The following AHCYL2 variants were observed in gnomAD, a reference collection of about 807,000 sequenced individuals.
AHCYL2 encodes the protein S-adenosylhomocysteine hydrolase-like protein 2.
In AHCYL2, 28 loss-of-function variants were observed where a neutral mutation model predicts 81.4. That is an observed-to-expected ratio of 0.34 (90% CI 0.25 to 0.47). AHCYL2 has a LOEUF of 0.47. Ranked by LOEUF, AHCYL2 falls within the 20% of genes least tolerant of loss-of-function variation. The pLI is 1.00. For missense variants in AHCYL2, 551 were observed against 785.1 expected (o/e 0.70, Z 3.56); for synonymous variants, 272 against 290.2 (o/e 0.94, Z 0.64).
chr7:129,310,600 A>G (rs1210713391), intron 1 of AHCYL2, among the ~76,000 whole-genome samples: 2 of 152,244 alleles, frequency 1.3e-5, no homozygotes, highest in African/African-American at 4.8e-5. Context: ...TAAAATCAGT[A>G]TTGAAAATAA....
chr7:129,290,883 T>C lies in AHCYL2; in HGVS notation c.363+65444T>C, dbSNP rs553127095. 4.0e-5 allele frequency among the ~76,000 whole-genome samples: 6 copies of C among 150,680 alleles called. No individual in the cohort carries two copies. In the East Asian group the frequency reaches 1.2e-3, roughly 30 times the overall value. ...AGGTGGAGTGTGCAGTGAGCCGAGA[T>C]CACGCCACTGCACTCTAGCCTGGGC... On this transcript the variant is annotated intron_variant, in intron 1 of 16. Transcript: ENST00000325006.
At chr7:129,379,869 C>G in intron 2 of AHCYL2, 120 bp downstream of exon 2, 1 of 685,986 alleles carries the variant, frequency 1.5e-6, no homozygotes, top group South Asian at 2.7e-5. Context: ...ATAAATACTT[C>G]GAGTCAAAAT....
intron 6 of AHCYL2, among the ~76,000 whole-genome samples, chr7:129,401,139 C>G (rs1188838952): frequency 1.3e-5 from 2 of 152,066 alleles, no homozygotes; most frequent in Non-Finnish European, 1.5e-5. Flanking sequence ...GCCTGGGCAA[C>G]ATAGGCTTTC....
intron 1 of AHCYL2, among the ~76,000 whole-genome samples, chr7:129,370,154 T>C (rs1316083715): frequency 1.3e-5 from 2 of 152,208 alleles, no homozygotes; most frequent in African/African-American, 4.8e-5. Flanking sequence ...ATAATAATTC[T>C]TATTTCTGTC....
chr7:129,271,368 A>G (rs1447418706), intron 1 of AHCYL2, among the ~76,000 whole-genome samples: 3 of 151,798 alleles, frequency 2.0e-5, no homozygotes, highest in Admixed American at 6.6e-5. Flanking sequence ...CCAAAAAAAA[A>G]AAAAAAAAAA....
intron 1 of AHCYL2, among the ~76,000 whole-genome samples, chr7:129,347,677 C>A (rs538688424): frequency 1.3e-5 from 2 of 152,060 alleles, no homozygotes; most frequent in Non-Finnish European, 2.9e-5. Context: ...TGAACAATTA[C>A]AGTCCTTGGA....
rs115009194 is a variant in AHCYL2 at position 129,376,340 on chromosome 7, C to T, written c.364-3298C>T. ...GTCAGAGAAAGATACTCGTTTCTTG[C>T]GGAAAATTGCATAACTTATATTTAA... On this transcript the variant is annotated intron_variant, in intron 1 of 16. Transcript: ENST00000325006. Among the ~76,000 whole-genome samples the T allele has an allele frequency of 8.0e-3, 1,214 of 152,254 alleles. 16 individuals are homozygous for T. The highest frequency in any genetic ancestry group is 0.027 in the African/African-American group (1,134 of 41,540).
intron 1 of AHCYL2, among the ~76,000 whole-genome samples, chr7:129,326,232 AC>A (rs1198971942): frequency 6.6e-6 from 1 of 152,112 alleles, no homozygotes; most frequent in Admixed American, 6.6e-5. Flanking sequence ...CACATAAAAA[AC>A]AAAAAACTCC....
intron 1 of AHCYL2, among the ~76,000 whole-genome samples, chr7:129,234,039 T>C (rs76462804): frequency 3.3e-3 from 502 of 151,720 alleles, no homozygotes; most frequent in African/African-American, 0.012. Flanking sequence ...TTCTCTCTCT[T>C]TCTCTTTGTT....
intron 1 of AHCYL2, among the ~76,000 whole-genome samples, chr7:129,237,158 G>T (rs1237662881): frequency 6.6e-6 from 1 of 151,748 alleles, no homozygotes. Context: ...AACATTTTGT[G>T]TCTTAGAATT....
At chr7:129,351,022 T>G (rs1401987724) in intron 1 of AHCYL2, among the ~76,000 whole-genome samples, 1 of 152,160 alleles carries the variant, frequency 6.6e-6, no homozygotes, top group Non-Finnish European at 1.5e-5. Flanking sequence ...ATTTCTTTTT[T>G]AAAAGCAAAC....
chr7:129,300,563 T>C (rs1289630644), intron 1 of AHCYL2, among the ~76,000 whole-genome samples: 2 of 152,214 alleles, frequency 1.3e-5, no homozygotes, highest in Admixed American at 1.3e-4. Context: ...ACACTTAGGT[T>C]GCTTCCAAAT....
At chr7:129,400,015 C>T (rs562896899) in intron 5 of AHCYL2, among the ~76,000 whole-genome samples, 24 of 152,258 alleles carry the variant, frequency 1.6e-4, no homozygotes, top group South Asian at 1.0e-3. Flanking sequence ...AGTGAGCCAC[C>T]GCACCTGGCC....
chr7:129,286,797 T>C (rs1293351149), intron 1 of AHCYL2, among the ~76,000 whole-genome samples: 1 of 152,132 alleles, frequency 6.6e-6, no homozygotes, highest in African/African-American at 2.4e-5. Flanking sequence ...CCCAAAGAGT[T>C]TTTGTCTCTG....
chr7:129,351,846 T>C (rs566145255), intron 1 of AHCYL2, among the ~76,000 whole-genome samples: 1 of 152,304 alleles, frequency 6.6e-6, no homozygotes, highest in Non-Finnish European at 1.5e-5. Flanking sequence ...TACTAAGGTG[T>C]TTGCCTTTTC....
At chr7:129,276,432 T>TAAA (rs35351067) in intron 1 of AHCYL2, among the ~76,000 whole-genome samples, 62 of 148,234 alleles carry the variant, frequency 4.2e-4, no homozygotes, top group East Asian at 1.8e-3. Flanking sequence ...AAGGGAAGAA[T>TAAA]AAAAAAAAAA....
Position 129,289,467 on chromosome 7 carries a change from T to G in AHCYL2, c.363+64028T>G, listed in dbSNP as rs73722916. 8.9e-3 allele frequency among the ~76,000 whole-genome samples: 1,361 copies of G among 152,350 alleles called. 20 individuals carry two copies. The highest frequency in any genetic ancestry group is 0.031 in the African/African-American group (1,302 of 41,586). ...CATTAAATCATTAAGAGCTATACAATGATGATATTCTAGTTCTATTATTCT... is the reference window on the plus strand; with the variant it reads ...CATTAAATCATTAAGAGCTATACAAGGATGATATTCTAGTTCTATTATTCT... On this transcript the variant is annotated intron_variant, in intron 1 of 16. Transcript: ENST00000325006.
chr7:129,292,132 G>A (rs1007282030), intron 1 of AHCYL2, among the ~76,000 whole-genome samples: 1 of 152,020 alleles, frequency 6.6e-6, no homozygotes, highest in Admixed American at 6.6e-5. Flanking sequence ...ATTTTTAGTA[G>A]GACTACTGCT....
Position 129,317,994 on chromosome 7 carries a change from A to G in AHCYL2, c.364-61644A>G, listed in dbSNP as rs146357126. On this transcript the variant is annotated intron_variant, in intron 1 of 16. Coordinates refer to ENST00000325006, the MANE Select transcript of AHCYL2 (RefSeq NM_015328.4). ...CTGAGTGATAATGACTTCATTGTCT[A>G]TAATACTCGTGCAATAAATATATTT... Among the ~76,000 whole-genome samples, 71 of 152,354 alleles carry G rather than the reference A, an allele frequency of 4.7e-4. 1 individual carries two copies. The highest frequency in any genetic ancestry group is 1.3e-3 in the African/African-American group (52 of 41,588).
Sources: allele counts gnomAD v4.1 joint callset (sites outside exome capture counted in the v4.1 genomes callset), GRCh38; gene constraint gnomAD v4.1.1; transcripts MANE v1.5; gene names NCBI Gene and HGNC (gene_info 2026-07-23, HGNC 2026-07-21).